Variants in HDAC9 observed in about 807,000 individuals in gnomAD.
The protein encoded by HDAC9 is MEF-2 interacting transcription repressor (MITR) protein.
A neutral mutation model predicts 139.4 loss-of-function variants in HDAC9; 41 were observed. That is an observed-to-expected ratio of 0.29 (90% CI 0.23 to 0.38). The LOEUF is 0.38. Ranked by LOEUF, HDAC9 falls within the 10% of genes least tolerant of loss-of-function variation. The pLI, the probability that HDAC9 is intolerant of heterozygous loss-of-function variation, is 1.00. For missense variants in HDAC9, 1,147 were observed against 1,297.0 expected (o/e 0.88, Z 1.78); for synonymous variants, 517 against 476.2 (o/e 1.09, Z -1.12).
intron 1 of HDAC9, among the ~76,000 whole-genome samples, chr7:18,317,620 C>A (rs534079570): frequency 5.5e-4 from 83 of 152,276 alleles, no homozygotes; most frequent in African/African-American, 1.9e-3. Context: ...TTACTGATGG[C>A]ATGCCGTGCT....
chr7:18,765,619 T>TA (rs1789768464), intron 15 of HDAC9, among the ~76,000 whole-genome samples: 6 of 152,104 alleles, frequency 3.9e-5, no homozygotes, highest in Admixed American at 3.9e-4. Flanking sequence ...AAAAATTAAC[T>TA]TACTATGTTA....
intron 1 of HDAC9, among the ~76,000 whole-genome samples, chr7:18,482,417 A>T (rs1486525585): frequency 7.2e-6 from 1 of 139,596 alleles, no homozygotes; most frequent in African/African-American, 2.7e-5. Context: ...AAAAAAAAAA[A>T]TTCTCCTTGG....
chr7:18,342,001 C>T (rs778354812), intron 1 of HDAC9, among the ~76,000 whole-genome samples: 17 of 151,758 alleles, frequency 1.1e-4, no homozygotes, highest in Non-Finnish European at 2.5e-4. Context: ...ACTCAGTGTC[C>T]CGTGATCAAA....
chr7:18,776,801 G>A (rs556296556), intron 16 of HDAC9, among the ~76,000 whole-genome samples: 19 of 151,874 alleles, frequency 1.3e-4, no homozygotes, highest in Non-Finnish European at 2.5e-4. Context: ...CCATACTGAG[G>A]GTGCAAAGCA....
At chr7:18,756,518 A>T (rs1234458948) in intron 14 of HDAC9, among the ~76,000 whole-genome samples, 2 of 152,190 alleles carry the variant, frequency 1.3e-5, no homozygotes, top group Non-Finnish European at 2.9e-5. Flanking sequence ...GTAATTTATC[A>T]TTGCAATTAT....
chr7:18,532,497 G>C (rs1434757438), intron 2 of HDAC9, among the ~76,000 whole-genome samples: 1 of 151,958 alleles, frequency 6.6e-6, no homozygotes, highest in African/African-American at 2.4e-5. Context: ...GTTCTTTCTT[G>C]TTTAATTATA....
Position 18,564,959 on chromosome 7 carries a change from TTTTATTTATTTATTTA to T in HDAC9, c.23-20287_23-20272del, listed in dbSNP as rs145259249. On this transcript the variant is annotated intron_variant, in intron 2 of 25. Transcript: ENST00000686413. ...CCTAAGCCAGCATCAAATAAATGTA[TTTTATTTATTTATTTA>T]TTTATTTATTTATTTATTTATTTAT... is the stretch of plus-strand genomic sequence containing the variant. 3.9e-3 allele frequency among the ~76,000 whole-genome samples: 553 copies of T among 141,272 alleles called. 4 individuals carry two copies. The highest frequency in any genetic ancestry group is 0.012 in the African/African-American group (453 of 38,470). The allele number at this position is 141,272 out of a possible 152,430, so 92.7% of individuals were successfully genotyped here.
intron 3 of HDAC9, among the ~76,000 whole-genome samples, chr7:18,590,027 C>G (rs1830496123): frequency 1.3e-5 from 2 of 151,972 alleles, no homozygotes; most frequent in African/African-American, 2.4e-5. Context: ...TTTGTATGTT[C>G]AAAGAAAAGT....
Position 18,647,831 on chromosome 7 carries a change from T to C in HDAC9, c.1082T>C (p.Leu361Pro). The C allele has an allele frequency of 6.2e-7, 1 of 1,612,328 alleles. No homozygotes were observed. Among genetic ancestry groups the C allele is most frequent in the South Asian group, 1.1e-5 (1 of 90,830 alleles). Reference protein sequence around the residue: ...KEKQKCETQTLRQGVPLPGQY... With the variant: ...KEKQKCETQTPRQGVPLPGQY... ...AAGCAGAAGTGTGAGACGCAGACGC[T>C]TAGGCAAGGTGTTCCTCTGCCTGGG... The change falls in exon 10 of 26, where the codon CTT becomes CCT. Residue 361 changes from leucine to proline, a missense_variant. Leu to Pro is a moderately conservative substitution (Grantham distance 98). This residue lies in a region of HDAC9 where 264 missense variants were observed against 273.8 expected (regional missense o/e 0.96). Coordinates refer to ENST00000686413, the MANE Select transcript of HDAC9 (RefSeq NM_178425.4).
At chr7:18,718,422 G>A (rs1233308329) in intron 12 of HDAC9, among the ~76,000 whole-genome samples, 1 of 151,682 alleles carries the variant, frequency 6.6e-6, no homozygotes, top group Non-Finnish European at 1.5e-5. Flanking sequence ...TAGTAGAGAC[G>A]GGGTTTCACC....
chr7:18,357,892 A>G (rs1783449407), intron 1 of HDAC9, among the ~76,000 whole-genome samples: 1 of 152,138 alleles, frequency 6.6e-6, no homozygotes, highest in Non-Finnish European at 1.5e-5. Flanking sequence ...AGGAGCTTGG[A>G]TTTGTTTCTA....
At chr7:18,917,832 A>G (rs2129293864) in intron 22 of HDAC9, among the ~76,000 whole-genome samples, 1 of 152,122 alleles carries the variant, frequency 6.6e-6, no homozygotes, top group South Asian at 2.1e-4. Flanking sequence ...CCCCAAATCT[A>G]TGCTCTTATC....
intron 1 of HDAC9, among the ~76,000 whole-genome samples, chr7:18,340,606 T>C (rs1301463330): frequency 1.3e-5 from 2 of 151,602 alleles, no homozygotes; most frequent in East Asian, 3.9e-4. Flanking sequence ...AGTGATATTA[T>C]AGCATTTCAT....
At chr7:18,533,339 G>A (rs370311165) in intron 2 of HDAC9, among the ~76,000 whole-genome samples, 3 of 151,920 alleles carry the variant, frequency 2.0e-5, no homozygotes, top group Admixed American at 6.6e-5. Flanking sequence ...GTTCTTTTGC[G>A]TAATCCTCTC....
intron 2 of HDAC9, among the ~76,000 whole-genome samples, chr7:18,552,297 A>G (rs543954630): frequency 6.6e-6 from 1 of 152,038 alleles, no homozygotes; most frequent in East Asian, 1.9e-4. Context: ...CTTTTTTTTG[A>G]GCCTGCAGAC....
chr7:18,497,718 A>T (rs1797293911), intron 2 of HDAC9, among the ~76,000 whole-genome samples: 1 of 152,146 alleles, frequency 6.6e-6, no homozygotes, highest in African/African-American at 2.4e-5. Context: ...TTTATTTTTT[A>T]AAATATGGAT....
chr7:18,457,878 C>T (rs1793485872), intron 1 of HDAC9, among the ~76,000 whole-genome samples: 1 of 152,078 alleles, frequency 6.6e-6, no homozygotes, highest in Non-Finnish European at 1.5e-5. Flanking sequence ...AGTTAGATCA[C>T]TTCCATTGAA....
At chr7:18,988,862 T>C (rs942591055) in intron 25 of HDAC9, among the ~76,000 whole-genome samples, 35 of 151,018 alleles carry the variant, frequency 2.3e-4, no homozygotes, top group African/African-American at 8.6e-4. Flanking sequence ...TAAAGTCTCT[T>C]TTATCAGAGA....
At chr7:18,407,273 T>C (rs1361202264) in intron 1 of HDAC9, among the ~76,000 whole-genome samples, 2 of 152,236 alleles carry the variant, frequency 1.3e-5, no homozygotes, top group Non-Finnish European at 2.9e-5. Context: ...TGCTATCCGA[T>C]GATTCCTTTC....
Sources: gnomAD v4.1 joint callset for allele counts (sites outside exome capture counted in the v4.1 genomes callset) on GRCh38, gnomAD v4.1.1 for gene constraint, gnomAD v4.1.1 regional missense constraint, MANE v1.5 for transcripts, NCBI Gene and HGNC (gene_info 2026-07-23, HGNC 2026-07-21) for gene names.